Variants in RBPMS observed in about 807,000 individuals in gnomAD.
RBPMS encodes the protein RNA-binding protein with multiple splicing.
Under a neutral mutation model 26.8 loss-of-function variants are expected in RBPMS, and 7 were observed. The observed-to-expected ratio is 0.26, with a 90% confidence interval of 0.15 to 0.49. The LOEUF (loss-of-function observed/expected upper bound fraction) is 0.49, where lower values mean the gene tolerates loss of function less well. Ranked by LOEUF, RBPMS falls within the 20% of genes least tolerant of loss-of-function variation. The pLI is 0.98. For synonymous variants in RBPMS, 96 were observed against 93.3 expected (o/e 1.03, Z -0.17); for missense variants, 186 against 250.0 (o/e 0.74, Z 1.73).
chr8:30,385,213 C>G, intron 1 of RBPMS, 55 bp downstream of exon 1: 1 of 1,309,320 alleles, frequency 7.6e-7, no homozygotes, highest in Non-Finnish European at 1.0e-6. Context: ...GTGCGGGCGG[C>G]CGGCGGGGCG....
At chr8:30,492,470 T>A (rs530481045) in intron 4 of RBPMS, among the ~76,000 whole-genome samples, 26 of 150,800 alleles carry the variant, frequency 1.7e-4, no homozygotes, top group African/African-American at 6.3e-4. Flanking sequence ...AAAAAAAAAA[T>A]ACCCCTTTTA....
intron 1 of RBPMS, among the ~76,000 whole-genome samples, chr8:30,465,651 A>G (rs1377754891): frequency 6.6e-6 from 1 of 152,106 alleles, no homozygotes; most frequent in Non-Finnish European, 1.5e-5. Context: ...GCCAGGTGTG[A>G]TGGCAGGCGC....
chr8:30,465,899 G>GT (rs1336616529), intron 1 of RBPMS, among the ~76,000 whole-genome samples: 1 of 152,194 alleles, frequency 6.6e-6, no homozygotes, highest in Non-Finnish European at 1.5e-5. Flanking sequence ...TAGTGGTGTG[G>GT]TATACCCAGT....
chr8:30,462,004 A>G (rs1354709159), intron 1 of RBPMS, among the ~76,000 whole-genome samples: 3 of 152,184 alleles, frequency 2.0e-5, no homozygotes, highest in Non-Finnish European at 4.4e-5. Flanking sequence ...GAGTCGTTCA[A>G]GTTGTTGCTT....
rs1467858116 is a variant in RBPMS, at chr8:30,571,110, T to C, written c.*585T>C. ...AGTCCAGGGTAAATTAGTAGCATGG[T>C]GTTAGATGTTAGAAACAGAACTGTT... On this transcript the variant is annotated 3_prime_UTR_variant, in exon 9 of 9. Transcript: ENST00000397323. 6.9e-6 allele frequency: 1 copy of C among 144,114 alleles called. No homozygotes were observed. The highest frequency in any genetic ancestry group is 1.9e-4 in the East Asian group (1 of 5,142). The allele number at this position is 144,114 out of a possible 1,614,324, so 8.9% of individuals were successfully genotyped here.
chr8:30,472,936 C>T (rs1817292614), intron 1 of RBPMS, among the ~76,000 whole-genome samples: 1 of 152,168 alleles, frequency 6.6e-6, no homozygotes. Context: ...GACATGGTAG[C>T]AGACTGTCTG....
chr8:30,566,674 A>T (rs184462079), intron 8 of RBPMS, among the ~76,000 whole-genome samples: 1 of 152,236 alleles, frequency 6.6e-6, no homozygotes, highest in Non-Finnish European at 1.5e-5. Flanking sequence ...ACCTAGGGAA[A>T]TGTTACTGAA....
At chr8:30,563,856 C>G (rs1369859761) in intron 7 of RBPMS, among the ~76,000 whole-genome samples, 1 of 152,160 alleles carries the variant, frequency 6.6e-6, no homozygotes, top group African/African-American at 2.4e-5. Flanking sequence ...AGCCACCTGT[C>G]CATGTCATGC....
intron 5 of RBPMS, among the ~76,000 whole-genome samples, chr8:30,530,705 G>C (rs1486298324): frequency 6.6e-6 from 1 of 152,036 alleles, no homozygotes; most frequent in African/African-American, 2.4e-5. Context: ...CAGGTGATCC[G>C]CCTGCCTCGG....
At chr8:30,491,229 A>G (rs1819355409) in intron 4 of RBPMS, among the ~76,000 whole-genome samples, 1 of 152,230 alleles carries the variant, frequency 6.6e-6, no homozygotes, top group Non-Finnish European at 1.5e-5. Flanking sequence ...GAAATAAAGG[A>G]TATAAAACCA....
intron 6 of RBPMS, chr8:30,555,765 G>C (rs1175191764): frequency 2.0e-6 from 1 of 490,936 alleles, no homozygotes; most frequent in Non-Finnish European, 2.6e-6. Context: ...TCCCCGTTAA[G>C]AAGAATTGTA....
At chr8:30,527,991 C>G (rs1459375786) in intron 5 of RBPMS, among the ~76,000 whole-genome samples, 8 of 152,216 alleles carry the variant, frequency 5.3e-5, no homozygotes, top group South Asian at 2.1e-4. Flanking sequence ...GCCTGGTCAA[C>G]ATGGTGAAAC....
chr8:30,542,776 G>C (rs1825517429), intron 5 of RBPMS, among the ~76,000 whole-genome samples: 1 of 152,246 alleles, frequency 6.6e-6, no homozygotes, highest in South Asian at 2.1e-4. Context: ...GCTCCCACGT[G>C]AGTTACTCTG....
chr8:30,504,862 C>G (rs1820927703), intron 5 of RBPMS, among the ~76,000 whole-genome samples: 1 of 152,092 alleles, frequency 6.6e-6, no homozygotes, highest in Non-Finnish European at 1.5e-5. Context: ...AGAAGCAGAT[C>G]TTGGGAATTT....
At chr8:30,569,917 C>T (rs2151099433) in intron 8 of RBPMS, among the ~76,000 whole-genome samples, 1 of 152,322 alleles carries the variant, frequency 6.6e-6, no homozygotes, top group African/African-American at 2.4e-5. Context: ...AGTCGCCCGT[C>T]ACAGAGAAGG....
chr8:30,474,107 A>AACC (rs1817439868), intron 1 of RBPMS, among the ~76,000 whole-genome samples: 2 of 152,006 alleles, frequency 1.3e-5, no homozygotes, highest in African/African-American at 4.8e-5. Flanking sequence ...CAACAACAAC[A>AACC]ACAAAAATGC....
intron 6 of RBPMS, chr8:30,556,188 A>G (rs747190284): frequency 1.0e-6 from 1 of 985,364 alleles, no homozygotes; most frequent in African/African-American, 1.7e-5. Context: ...GCCACCCGCC[A>G]CCACATCCAC....
At chr8:30,465,594 C>T (rs1816408451) in intron 1 of RBPMS, among the ~76,000 whole-genome samples, 1 of 152,156 alleles carries the variant, frequency 6.6e-6, no homozygotes, top group Non-Finnish European at 1.5e-5. Flanking sequence ...TGAGACCAGC[C>T]TGGCCAACAT....
intron 1 of RBPMS, among the ~76,000 whole-genome samples, chr8:30,410,186 A>T (rs1443595452): frequency 5.5e-5 from 8 of 146,368 alleles, no homozygotes; most frequent in African/African-American, 2.1e-4. Flanking sequence ...ACACACACAC[A>T]CACACTTAAC....
Sources: gnomAD v4.1 joint callset for allele counts (sites outside exome capture counted in the v4.1 genomes callset) on GRCh38, gnomAD v4.1.1 for gene constraint, MANE v1.5 for transcripts, NCBI Gene and HGNC (gene_info 2026-07-23, HGNC 2026-07-21) for gene names.